The following TTLL1 variants were observed in gnomAD, a reference collection of about 807,000 sequenced individuals.
TTLL1 encodes the protein polyglutamylase complex subunit TTLL1.
Under a neutral mutation model 47.8 loss-of-function variants are expected in TTLL1, and 33 were observed. The observed-to-expected ratio is 0.69, with a 90% CI of 0.52 to 0.92. The LOEUF is 0.92. Ranked by LOEUF, TTLL1 falls within the 40% of genes least tolerant of loss-of-function variation. TTLL1 has a pLI of 0.00. For synonymous variants in TTLL1, 225 were observed against 214.1 expected, an observed-to-expected ratio of 1.05 and a Z score of -0.45; for missense variants, 488 against 547.5, an observed-to-expected ratio of 0.89 and a Z score of 1.08.
intron 3 of TTLL1, among the ~76,000 whole-genome samples, chr22:43,074,482 T>C (rs1020963685): frequency 2.0e-5 from 3 of 151,754 alleles, no homozygotes; most frequent in Non-Finnish European, 4.4e-5. Context: ...ATGTATCAAT[T>C]AGCCAAGACT....
chr22:43,047,435 G>C (rs1926229681), intron 9 of TTLL1, among the ~76,000 whole-genome samples: 2 of 152,272 alleles, frequency 1.3e-5, no homozygotes, highest in South Asian at 2.1e-4. Context: ...CATTCGCTTT[G>C]TTCTGTGGAG....
intron 8 of TTLL1, among the ~76,000 whole-genome samples, chr22:43,054,287 C>T (rs1400668552): frequency 1.3e-5 from 2 of 152,224 alleles, no homozygotes; most frequent in Non-Finnish European, 2.9e-5. Context: ...GAACTAGGTC[C>T]CGGGTTTTTT....
intron 1 of TTLL1, among the ~76,000 whole-genome samples, chr22:43,083,146 C>T (rs1033183624): frequency 2.0e-5 from 3 of 151,976 alleles, no homozygotes; most frequent in Non-Finnish European, 1.5e-5. Context: ...GCAGGCAGAT[C>T]ACGAGGTCAG....
Position 43,064,250 on chromosome 22 carries a change from C to T in TTLL1, c.578G>A (p.Arg193Lys). The T allele has an allele frequency of 3.7e-6, 6 of 1,614,170 alleles. No individual in the cohort carries two copies. Among genetic ancestry groups the T allele is most frequent in the South Asian group, 3.3e-5 (3 of 91,086 alleles). Reference protein sequence around the residue: ...YINNPLLIGGRKFDLRLYVLV... With the variant: ...YINNPLLIGGKKFDLRLYVLV... ...AACGTACAAGCGCAGGTCGAACTTC[C>T]TCCCGCCAATTAGTAACGGGTTGTT... Residue 193 changes from arginine (R) to lysine (K), a missense_variant, in exon 6 of 11, where the codon AGG (arginine) becomes AAG (lysine). Physicochemically the swap from Arg to Lys is conservative, Grantham distance 26. Transcript: ENST00000266254.
intron 4 of TTLL1, among the ~76,000 whole-genome samples, chr22:43,069,220 CA>C (rs66913313): frequency 0.11 from 9,199 of 80,458 alleles, 561 homozygotes; most frequent in East Asian, 0.27. Flanking sequence ...ACTAAAAATA[CA>C]AAAAAAAAAA....
intron 10 of TTLL1, among the ~76,000 whole-genome samples, chr22:43,044,680 T>C (rs990864908): frequency 1.7e-4 from 26 of 152,126 alleles, no homozygotes; most frequent in Admixed American, 1.2e-3. Flanking sequence ...GCCAACAACA[T>C]GATGTGTGTC....
rs111978672 is a variant in TTLL1, at chr22:43,060,598, C to T, written c.748-1071G>A. Among the ~76,000 whole-genome samples the T allele has an allele frequency of 8.5e-3, 1,288 of 152,340 alleles. 17 individuals carry two copies. The highest frequency in any genetic ancestry group is 0.029 in the African/African-American group (1,222 of 41,572). Reference sequence around the variant, plus strand: ...CCCATTTCACAGGGGACGCCGGGCTCAGAGAAGCTGTTACTTGGCCAAGCT... The same window carrying T: ...CCCATTTCACAGGGGACGCCGGGCTTAGAGAAGCTGTTACTTGGCCAAGCT... On this transcript the variant is annotated intron_variant, in intron 7 of 10. Transcript: ENST00000266254.
chr22:43,041,023 GC>G (rs1370852322), intron 10 of TTLL1, among the ~76,000 whole-genome samples: 2 of 152,152 alleles, frequency 1.3e-5, no homozygotes, highest in African/African-American at 4.8e-5. Context: ...GAATGGGGCC[GC>G]CCCCCTCCAC....
rs1927249552 is a variant in TTLL1 at position 43,059,404 on chromosome 22, G to C, written c.871C>G (p.Gln291Glu). 1.2e-6 allele frequency: 2 copies of C among 1,613,664 alleles called. No homozygotes were observed. The highest frequency in any genetic ancestry group is 1.7e-4 in the Middle Eastern group (1 of 6,016). ...LFDEIHWIIV[Q>E]SLKAVAPVMN... is the part of the protein sequence containing the mutation. ...CTCACCGCCACAGCCTTCAGGGACT[G>C]CACGATGATCCAGTGGATCTCGTCG... Residue 291 changes from glutamine to glutamate, a missense_variant, in exon 8 of 11, where the codon CAG becomes GAG. By Grantham distance (29) the Gln-to-Glu change is conservative. Coordinates refer to ENST00000266254, the MANE Select transcript of TTLL1 (RefSeq NM_012263.5).
rs1926148118 is a variant in TTLL1, at chr22:43,046,548, G to A, written c.1004C>T (p.Ser335Phe). ...GAGGATTCGGTCATTGGCAGTGCTG[G>A]ACGTGAGAGACGGGGACGCATTCAC... The part of the protein sequence containing the change: ...IEVNASPSLT[S>F]STANDRILKY... Residue 335 changes from serine to phenylalanine, a missense_variant, in exon 10 of 11, where the codon TCC becomes TTC. By Grantham distance (155) the Ser-to-Phe change is radical. Transcript: ENST00000266254. 1.9e-6 allele frequency: 3 copies of A among 1,614,030 alleles called. No individual in the cohort carries two copies. In the African/African-American group the frequency reaches 4.0e-5, roughly 22 times the overall value.
chr22:43,058,507 T>C (rs947193440), intron 8 of TTLL1, among the ~76,000 whole-genome samples: 2 of 152,068 alleles, frequency 1.3e-5, no homozygotes, highest in African/African-American at 4.8e-5. Flanking sequence ...TATGCCAAAA[T>C]AGTTATTATT....
chr22:43,046,234 T>A (rs1005204549), intron 10 of TTLL1, among the ~76,000 whole-genome samples, 176 bp downstream of exon 10: 1 of 151,876 alleles, frequency 6.6e-6, no homozygotes, highest in Non-Finnish European at 1.5e-5. Flanking sequence ...ATAATAATAA[T>A]AAAATAAACA....
intron 9 of TTLL1, 26 bp downstream of exon 9, chr22:43,051,773 GAC>G: frequency 1.9e-6 from 3 of 1,609,172 alleles, no homozygotes; most frequent in Non-Finnish European, 2.6e-6. Flanking sequence ...TGTGTGGTGT[GAC>G]CAGGTGCAGG....
intron 2 of TTLL1, among the ~76,000 whole-genome samples, chr22:43,079,418 C>CACAA (rs61157306): frequency 0.028 from 4,328 of 152,026 alleles, 125 homozygotes; most frequent in Admixed American, 0.095. Flanking sequence ...GAGCCGATTC[C>CACAA]ACACCCCTCA....
intron 8 of TTLL1, among the ~76,000 whole-genome samples, chr22:43,057,984 G>A (rs1356862907): frequency 1.3e-5 from 2 of 150,026 alleles, no homozygotes; most frequent in African/African-American, 4.9e-5. Context: ...TCACTCTGTC[G>A]CCAGGCTGGA....
chr22:43,065,823 GA>G (rs377579282), intron 5 of TTLL1, among the ~76,000 whole-genome samples: 20 of 148,856 alleles, frequency 1.3e-4, no homozygotes, highest in South Asian at 1.3e-3. Context: ...AGGGGTATAG[GA>G]AAAAAAAAAT....
rs767006390 is a variant in TTLL1 at position 43,059,458 on chromosome 22, G to A, written c.817C>T (p.Arg273Cys). The A allele has an allele frequency of 1.8e-5, 29 of 1,613,918 alleles. No individual in the cohort carries two copies. The highest frequency in any genetic ancestry group is 3.3e-4 in the Middle Eastern group (2 of 6,082). The change falls in exon 8 of 11, where the codon CGC (arginine) becomes TGC (cysteine). Residue 273 changes from arginine (R) to cysteine (C), a missense_variant. By Grantham distance (180) the Arg-to-Cys change is radical. Transcript: ENST00000266254. ...AGCTTGCTGGTCACCTCCTTGCCGC[G>A]GGTGCTCTCCAGGTAGAGCCGCAGG... ...SNLRLYLEST[R>C]GKEVTSKLFD...
intron 3 of TTLL1, among the ~76,000 whole-genome samples, chr22:43,073,055 C>T (rs149556291): frequency 6.6e-6 from 1 of 151,818 alleles, no homozygotes; most frequent in African/African-American, 2.4e-5. Context: ...TGCTGTGTCG[C>T]CCAGGCTGGA....
At chr22:43,066,696 AT>A (rs397751370) in intron 5 of TTLL1, among the ~76,000 whole-genome samples, 2 of 148,284 alleles carry the variant, frequency 1.3e-5, no homozygotes, top group Non-Finnish European at 3.0e-5. Context: ...AAAAAAAAAA[AT>A]TTTTTTTTAG....
Sources: gnomAD v4.1 joint callset for allele counts (sites outside exome capture counted in the v4.1 genomes callset) on GRCh38, gnomAD v4.1.1 for gene constraint, MANE v1.5 for transcripts, NCBI Gene and HGNC (gene_info 2026-07-23, HGNC 2026-07-21) for gene names.